PHF20L1: variants seen among roughly 807,000 people sequenced by gnomAD.
PHF20L1 encodes the protein PHD finger protein 20 like 1.
A neutral mutation model predicts 125.5 loss-of-function variants in PHF20L1; 44 were observed. The observed-to-expected ratio is 0.35, with a 90% confidence interval of 0.28 to 0.45. PHF20L1 has a LOEUF of 0.45. PHF20L1 is among the 20% of genes least tolerant of loss of function. The pLI, the probability that PHF20L1 is intolerant of heterozygous loss-of-function variation, is 1.00. For synonymous variants in PHF20L1, 380 were observed against 403.1 expected (o/e 0.94, Z 0.69); for missense variants, 1,012 against 1,217.2 (o/e 0.83, Z 2.51).
In PHF20L1 at chr8:132,824,008, A is replaced by G. The variant is rs780287102; in HGVS notation, c.1584A>G (p.Ile528Met). The G allele has an allele frequency of 1.3e-6, 2 of 1,589,830 alleles. No individual in the cohort carries two copies. The highest frequency in any genetic ancestry group is 1.1e-5 in the South Asian group (1 of 89,878). ...TATTTTTCCCCTAACCCACAGGAAT[A>G]TCGAAAACAGAAAAAAAAGTGAAAT... is the stretch of plus-strand genomic sequence containing the variant. ...DGRGAPAAAG[I>M]SKTEKKVKLE... Residue 528 changes from isoleucine (I) to methionine (M), a missense_variant, in exon 13 of 21, where the codon ATA becomes ATG. Ile to Met is a conservative substitution (Grantham distance 10). Around this residue, in one of 7 missense-constraint regions of PHF20L1, gnomAD observed 320 missense variants for 293.8 expected, o/e 1.09. Coordinates refer to ENST00000395386, the MANE Select transcript of PHF20L1 (RefSeq NM_016018.5).
intron 2 of PHF20L1, among the ~76,000 whole-genome samples, chr8:132,781,169 G>A (rs1178373252): frequency 2.0e-5 from 3 of 152,054 alleles, no homozygotes; most frequent in African/African-American, 7.2e-5. Flanking sequence ...TCTGGTATGT[G>A]TCTAGACATA....
rs918828988 is a variant in PHF20L1 at position 132,847,181 on chromosome 8, A to G, written c.*1258A>G. On this transcript the variant is annotated 3_prime_UTR_variant, in exon 21 of 21. Transcript: ENST00000395386. The stretch of plus-strand genomic sequence containing the variant: ...TATGCTTGTTTTAAACAAACACTCA[A>G]CGTACATATGTACATAATCTACACA... 3 of 152,554 alleles carry G rather than the reference A, an allele frequency of 2.0e-5. No homozygotes were observed. The highest frequency in any genetic ancestry group is 6.5e-5 in the Admixed American group (1 of 15,272). The allele number at this position is 152,554 out of a possible 1,614,324, so 9.5% of individuals were successfully genotyped here. A position where few individuals can be genotyped will look rare whatever the true frequency, so the allele number is the denominator to read the frequency against.
Position 132,776,685 on chromosome 8 carries a change from G to A in PHF20L1, c.-38+1040G>A, listed in dbSNP as rs369192722. Among the ~76,000 whole-genome samples, 11 of 152,082 alleles carry A rather than the reference G, an allele frequency of 7.2e-5. No individual in the cohort carries two copies. The East Asian group carries it at 1.2e-3, about 16-fold the overall frequency. On this transcript the variant is annotated intron_variant, in intron 1 of 20. Coordinates refer to ENST00000395386, the MANE Select transcript of PHF20L1 (RefSeq NM_016018.5). ...GAGCAGTTGGAATTTTATGTTTGTTGTTCTATTTTGTCTATTATGAATTGT... is the reference window on the plus strand; with the variant it reads ...GAGCAGTTGGAATTTTATGTTTGTTATTCTATTTTGTCTATTATGAATTGT...
intron 14 of PHF20L1, among the ~76,000 whole-genome samples, chr8:132,827,525 CT>C (rs1312095585): frequency 2.6e-5 from 4 of 151,942 alleles, no homozygotes; most frequent in African/African-American, 9.7e-5. Flanking sequence ...TACAAAATAC[CT>C]GTGAAAGTGG....
intron 19 of PHF20L1, 76 bp from the exon 20 acceptor site, chr8:132,844,080 T>C: frequency 6.3e-7 from 1 of 1,575,514 alleles, no homozygotes; most frequent in African/African-American, 1.4e-5. Context: ...TGATGAGGTG[T>C]TTCCTGTATC....
At chr8:132,783,010 G>A (rs898414436) in intron 2 of PHF20L1, among the ~76,000 whole-genome samples, 6 of 152,054 alleles carry the variant, frequency 3.9e-5, no homozygotes, top group Admixed American at 6.5e-5. Flanking sequence ...TCACACTGGC[G>A]TTGACTACTG....
At chr8:132,800,947 C>T (rs1832975494) in intron 6 of PHF20L1, among the ~76,000 whole-genome samples, 1 of 151,524 alleles carries the variant, frequency 6.6e-6, no homozygotes. Flanking sequence ...TTTCTCCCTA[C>T]CTACAGTTTT....
chr8:132,841,513 T>G (rs1433642914), intron 18 of PHF20L1: 1 of 152,154 alleles, frequency 6.6e-6, no homozygotes, highest in Non-Finnish European at 1.5e-5. Context: ...TCAGTATGTA[T>G]CTAATTTGGA....
At chr8:132,817,571 T>C (rs758323893) in intron 12 of PHF20L1, 26 bp downstream of exon 12, 60 of 1,516,886 alleles carry the variant, frequency 4.0e-5, no homozygotes, top group African/African-American at 5.6e-5. Context: ...TAAAGGCTCC[T>C]ATAAGTAGAT....
chr8:132,787,821 A>ACT (rs1563784522), intron 2 of PHF20L1, among the ~76,000 whole-genome samples: 1 of 152,146 alleles, frequency 6.6e-6, no homozygotes, highest in Non-Finnish European at 1.5e-5. Flanking sequence ...AAAACTTTTA[A>ACT]AGGGTAACTA....
intron 4 of PHF20L1, among the ~76,000 whole-genome samples, chr8:132,796,237 T>C (rs906651558): frequency 6.6e-6 from 1 of 152,062 alleles, no homozygotes; most frequent in Admixed American, 6.6e-5. Flanking sequence ...TGCAGGTTGC[T>C]TAGAATGAAA....
intron 2 of PHF20L1, among the ~76,000 whole-genome samples, chr8:132,792,517 A>G (rs114678316): frequency 0.02 from 3,079 of 152,276 alleles, 108 homozygotes; most frequent in African/African-American, 0.071. Context: ...CTAAGATCTA[A>G]CAAGGCTATA....
intron 15 of PHF20L1, among the ~76,000 whole-genome samples, chr8:132,834,918 T>C (rs1310830392): frequency 1.3e-5 from 2 of 152,072 alleles, no homozygotes; most frequent in Non-Finnish European, 2.9e-5. Flanking sequence ...GAAGAAAACT[T>C]TATTTTTCTA....
chr8:132,776,902 A>G (rs1829859032), intron 1 of PHF20L1, among the ~76,000 whole-genome samples: 1 of 152,222 alleles, frequency 6.6e-6, no homozygotes, highest in African/African-American at 2.4e-5. Context: ...ATGTATTCAT[A>G]TTCCTCACAT....
chr8:132,825,177 A>G (rs1267498639), intron 13 of PHF20L1, 87 bp from the exon 14 acceptor site: 1 of 1,565,774 alleles, frequency 6.4e-7, no homozygotes, highest in Non-Finnish European at 8.7e-7. Flanking sequence ...ATAGCTGATT[A>G]AAACATAAAT....
At chr8:132,824,590 T>A (rs1021812286) in intron 13 of PHF20L1, 2 of 159,238 alleles carry the variant, frequency 1.3e-5, no homozygotes, top group Non-Finnish European at 2.8e-5. Flanking sequence ...GGCTAAACCA[T>A]TGTGAGTTGG....
intron 2 of PHF20L1, among the ~76,000 whole-genome samples, chr8:132,793,788 T>G (rs1747195441): frequency 6.6e-6 from 1 of 152,206 alleles, no homozygotes; most frequent in African/African-American, 2.4e-5. Flanking sequence ...TATAAAATAT[T>G]GATAAATACA....
chr8:132,838,142 G>T, intron 17 of PHF20L1: 1 of 194,898 alleles, frequency 5.1e-6, no homozygotes, highest in Non-Finnish European at 1.1e-5. Context: ...TTTTTTCACT[G>T]TTACATTTTT....
At position 132,839,569 on chromosome 8, in the gene PHF20L1, A is replaced by T; in HGVS notation, c.2374A>T (p.Ile792Phe). The change falls in exon 18 of 21, where the codon ATT (isoleucine) becomes TTT (phenylalanine). Residue 792 changes from isoleucine (I) to phenylalanine (F), a missense_variant. This residue lies in a region of PHF20L1 where 277 missense variants were observed against 283.6 expected (regional missense o/e 0.98). Coordinates refer to ENST00000395386, the MANE Select transcript of PHF20L1 (RefSeq NM_016018.5). ...TEVLHGLQLKIGILKNKHHPD... is the reference protein window; with the variant it reads ...TEVLHGLQLKFGILKNKHHPD... ...AGTGCTACACGGGCTACAGCTGAAG[A>T]TTGGAATACTAAAGTAAGTGAAGGG... 1 of 1,612,224 alleles carries T rather than the reference A, an allele frequency of 6.2e-7. No individual in the cohort carries two copies. Among genetic ancestry groups the T allele is most frequent in the Non-Finnish European group, 8.5e-7 (1 of 1,178,584 alleles).
Sources: allele counts gnomAD v4.1 joint callset (sites outside exome capture counted in the v4.1 genomes callset), GRCh38; gene constraint gnomAD v4.1.1; regional missense constraint gnomAD v4.1.1; transcripts MANE v1.5; gene names NCBI Gene and HGNC (gene_info 2026-07-23, HGNC 2026-07-21).